The following GAP43 variants were observed in gnomAD, a reference collection of about 807,000 sequenced individuals.
The protein encoded by GAP43 is growth associated protein 43, also known as neuromodulin.
A neutral mutation model predicts 18.6 loss-of-function variants in GAP43; 6 were observed. The observed-to-expected ratio is 0.32, with a 90% CI of 0.18 to 0.64. The LOEUF is 0.64. Among genes scored for constraint, GAP43 ranks in the 30% least tolerant of loss-of-function variants. GAP43 has a pLI of 0.78. For synonymous variants in GAP43, 115 were observed against 111.4 expected, an observed-to-expected ratio of 1.03 and a Z score of -0.20; for missense variants, 292 against 295.5, an observed-to-expected ratio of 0.99 and a Z score of 0.09.
chr3:115,698,281 A>AGATAT (rs1343739695), intron 2 of GAP43, among the ~76,000 whole-genome samples: 1 of 2,032 alleles, frequency 4.9e-4, no homozygotes, highest in Non-Finnish European at 1.6e-3. Flanking sequence ...TATTATATAT[A>AGATAT]AATATAATAT....
intron 1 of GAP43, among the ~76,000 whole-genome samples, chr3:115,651,183 A>G (rs1370999402): frequency 6.6e-6 from 1 of 152,102 alleles, no homozygotes; most frequent in African/African-American, 2.4e-5. Flanking sequence ...ACACTGAGAA[A>G]CCTTTTATTA....
At chr3:115,720,219 G>T (rs1709559039) in intron 2 of GAP43, among the ~76,000 whole-genome samples, 1 of 152,148 alleles carries the variant, frequency 6.6e-6, no homozygotes, top group African/African-American at 2.4e-5. Flanking sequence ...GCCATGTATT[G>T]TTTGATGTCC....
rs764180656 is a variant in GAP43 at position 115,644,844 on chromosome 3, T to C, written c.30+21125T>C. 6.6e-6 allele frequency among the ~76,000 whole-genome samples: 1 copy of C among 152,102 alleles called. No homozygotes were observed. The highest frequency in any genetic ancestry group is 1.5e-5 in the Non-Finnish European group (1 of 67,976). ...ATCTCAAATCAAAACCCAATGCCCCTGGCATTCTCAAAGCTGGATCATCAG... is the reference window on the plus strand; with the variant it reads ...ATCTCAAATCAAAACCCAATGCCCCCGGCATTCTCAAAGCTGGATCATCAG... On this transcript the variant is annotated intron_variant, in intron 1 of 2. Coordinates refer to ENST00000305124, the MANE Select transcript of GAP43 (RefSeq NM_002045.4). The surrounding 1 kb of genome is among the most constrained non-coding windows in gnomAD (Gnocchi z 4.2).
At chr3:115,667,239 G>C (rs1708745616) in intron 1 of GAP43, among the ~76,000 whole-genome samples, 1 of 152,196 alleles carries the variant, frequency 6.6e-6, no homozygotes, top group Non-Finnish European at 1.5e-5. Context: ...CCCAAGCGAA[G>C]TTCAGTTAGT....
chr3:115,690,531 G>A (rs1490804493), intron 2 of GAP43, among the ~76,000 whole-genome samples: 1 of 152,012 alleles, frequency 6.6e-6, no homozygotes, highest in Non-Finnish European at 1.5e-5. Context: ...AACCTTCAGT[G>A]TCTTCATCTA....
chr3:115,662,294 T>C (rs1489054245), intron 1 of GAP43, among the ~76,000 whole-genome samples: 1 of 152,218 alleles, frequency 6.6e-6, no homozygotes, highest in East Asian at 1.9e-4. Flanking sequence ...TGCAGTGATT[T>C]AAACCTTCTG....
At chr3:115,657,933 TC>T (rs1044629529) in intron 1 of GAP43, among the ~76,000 whole-genome samples, 1 of 152,178 alleles carries the variant, frequency 6.6e-6, no homozygotes, top group Non-Finnish European at 1.5e-5. Flanking sequence ...AAATTCCTCA[TC>T]CCTGGTAACA....
chr3:115,659,578 G>C (rs1708630425), intron 1 of GAP43, among the ~76,000 whole-genome samples: 1 of 152,054 alleles, frequency 6.6e-6, no homozygotes, highest in Non-Finnish European at 1.5e-5. Flanking sequence ...AGTGGCTTCA[G>C]GTCCACATGA....
At chr3:115,671,075 AT>A (rs1165447883) in intron 1 of GAP43, among the ~76,000 whole-genome samples, 3 of 152,212 alleles carry the variant, frequency 2.0e-5, no homozygotes, top group Admixed American at 6.5e-5. Flanking sequence ...CATTCCTATG[AT>A]AACTGGGAAA....
chr3:115,714,626 C>T (rs1479232660), intron 2 of GAP43, among the ~76,000 whole-genome samples: 2 of 151,814 alleles, frequency 1.3e-5, no homozygotes. Context: ...CTTGAAAAAA[C>T]TTTTTTCCCC....
At chr3:115,696,035 C>T (rs1343285023) in intron 2 of GAP43, among the ~76,000 whole-genome samples, 2 of 151,938 alleles carry the variant, frequency 1.3e-5, no homozygotes, top group Non-Finnish European at 2.9e-5. Context: ...GATGTCTTCT[C>T]CTCTTTTCTC....
intron 1 of GAP43, among the ~76,000 whole-genome samples, chr3:115,648,875 A>G (rs920177031): frequency 6.6e-6 from 1 of 152,168 alleles, no homozygotes; most frequent in Non-Finnish European, 1.5e-5. Context: ...AATCAGAGTG[A>G]TTAAGAAGGA....
chr3:115,675,559 G>A (rs1475281869), intron 1 of GAP43, among the ~76,000 whole-genome samples: 1 of 151,986 alleles, frequency 6.6e-6, no homozygotes, highest in Non-Finnish European at 1.5e-5. Context: ...TCAGGAGTTT[G>A]AGACCAGCCT....
At chr3:115,683,147 G>GCGCGCACGCACACA (rs1252333447) in intron 2 of GAP43, among the ~76,000 whole-genome samples, 1 of 127,396 alleles carries the variant, frequency 7.8e-6, no homozygotes. Flanking sequence ...GCGCGCGCGC[G>GCGCGCACGCACACA]CACACACACA....
chr3:115,648,039 A>G (rs1708478533), intron 1 of GAP43, among the ~76,000 whole-genome samples: 1 of 152,160 alleles, frequency 6.6e-6, no homozygotes, highest in Non-Finnish European at 1.5e-5. Flanking sequence ...TGACACATGA[A>G]GAAAAGTCTC....
chr3:115,671,744 T>A (rs1708817067), intron 1 of GAP43, among the ~76,000 whole-genome samples: 1 of 152,210 alleles, frequency 6.6e-6, no homozygotes. Flanking sequence ...AGACTTAGTT[T>A]AAAAACTAAA....
intron 2 of GAP43, among the ~76,000 whole-genome samples, chr3:115,679,512 C>T (rs1708934688): frequency 6.6e-6 from 1 of 152,164 alleles, no homozygotes; most frequent in African/African-American, 2.4e-5. Context: ...TTCAGCGCAC[C>T]TCTGACAATG....
chr3:115,654,663 G>A (rs554926613), intron 1 of GAP43, among the ~76,000 whole-genome samples: 1 of 152,234 alleles, frequency 6.6e-6, no homozygotes, highest in African/African-American at 2.4e-5. Context: ...AATTGCTTGA[G>A]AAAGAAACAC....
intron 1 of GAP43, among the ~76,000 whole-genome samples, chr3:115,629,972 G>A (rs1258310914): frequency 1.3e-5 from 2 of 152,130 alleles, no homozygotes; most frequent in South Asian, 2.1e-4. Flanking sequence ...GCCACAAAAT[G>A]AACCCATTTA....
Sources: allele counts gnomAD v4.1 joint callset (sites outside exome capture counted in the v4.1 genomes callset), GRCh38; gene constraint gnomAD v4.1.1; non-coding constraint Gnocchi (gnomAD v3.1); transcripts MANE v1.5; gene names NCBI Gene and HGNC (gene_info 2026-07-23, HGNC 2026-07-21).